Variants in GNAZ observed in about 807,000 individuals in gnomAD.
The protein encoded by GNAZ is G protein subunit alpha z.
In GNAZ, 3 loss-of-function variants were observed where a neutral mutation model predicts 25.4. The observed-to-expected ratio is 0.12, with a 90% CI of 0.05 to 0.30. The LOEUF (loss-of-function observed/expected upper bound fraction) is 0.30, where lower values mean the gene tolerates loss of function less well. GNAZ is among the 10% of genes least tolerant of loss of function. GNAZ has a pLI of 1.00. For synonymous variants in GNAZ, 211 were observed against 205.7 expected, an observed-to-expected ratio of 1.03 and a Z score of -0.22; for missense variants, 241 against 501.8, an observed-to-expected ratio of 0.48 and a Z score of 4.97.
chr22:23,095,114 T>A (rs1341034935), intron 1 of GNAZ, 133 bp from the exon 2 acceptor site: 1 of 156,804 alleles, frequency 6.4e-6, no homozygotes, highest in Non-Finnish European at 1.4e-5. Flanking sequence ...GGAGAGGGGG[T>A]TGGATGGATT....
At chr22:23,098,628 G>A (rs191917892) in intron 2 of GNAZ, among the ~76,000 whole-genome samples, 1 of 152,372 alleles carries the variant, frequency 6.6e-6, no homozygotes, top group African/African-American at 2.4e-5. Context: ...GGAAGTGGTT[G>A]TTCACCAGAA....
chr22:23,084,040 G>A (rs1450813869), intron 1 of GNAZ, among the ~76,000 whole-genome samples: 1 of 152,200 alleles, frequency 6.6e-6, no homozygotes, highest in African/African-American at 2.4e-5. Context: ...TTAACAAGGA[G>A]GGAGGGGTGA....
chr22:23,080,116 C>A (rs543419900), intron 1 of GNAZ, among the ~76,000 whole-genome samples: 1 of 151,432 alleles, frequency 6.6e-6, no homozygotes, highest in South Asian at 2.1e-4. Context: ...GAAGGCCCCA[C>A]TTCTTCTCTG....
intron 2 of GNAZ, among the ~76,000 whole-genome samples, chr22:23,115,511 T>C (rs1278289077): frequency 6.6e-6 from 1 of 151,962 alleles, no homozygotes; most frequent in Non-Finnish European, 1.5e-5. Flanking sequence ...TCTGGCCTCC[T>C]GGAGGGGGTC....
intron 2 of GNAZ, among the ~76,000 whole-genome samples, chr22:23,116,461 C>T (rs543154547): frequency 2.6e-5 from 4 of 152,320 alleles, no homozygotes; most frequent in South Asian, 2.1e-4. Flanking sequence ...CCCTCCCACC[C>T]GGCCCAGTCC....
chr22:23,116,026 C>T (rs983583774), intron 2 of GNAZ, among the ~76,000 whole-genome samples: 1 of 152,248 alleles, frequency 6.6e-6, no homozygotes. Flanking sequence ...GCCCTGAGGC[C>T]GCTGGGGTCC....
chr22:23,094,187 G>T (rs554836443), intron 1 of GNAZ, among the ~76,000 whole-genome samples: 2 of 152,236 alleles, frequency 1.3e-5, no homozygotes, highest in East Asian at 3.9e-4. Context: ...GAGGCTGCGT[G>T]GGTCTCCGGA....
At chr22:23,096,602 G>A (rs891710722) in intron 2 of GNAZ, among the ~76,000 whole-genome samples, 184 bp downstream of exon 2, 7 of 152,214 alleles carry the variant, frequency 4.6e-5, no homozygotes, top group African/African-American at 1.4e-4. Flanking sequence ...GGTGTGGAGT[G>A]CAGGTGTCAT....
At chr22:23,109,736 G>T (rs889748220) in intron 2 of GNAZ, among the ~76,000 whole-genome samples, 1 of 152,206 alleles carries the variant, frequency 6.6e-6, no homozygotes, top group African/African-American at 2.4e-5. Flanking sequence ...AGTGTTAAAG[G>T]CCAGGCTAGA....
intron 1 of GNAZ, among the ~76,000 whole-genome samples, chr22:23,094,792 G>A (rs927896283): frequency 1.3e-5 from 2 of 152,220 alleles, no homozygotes; most frequent in East Asian, 1.9e-4. Flanking sequence ...CAGCTCCTGC[G>A]GGGGTAATGA....
chr22:23,105,093 T>C (rs1371235954), intron 2 of GNAZ, among the ~76,000 whole-genome samples: 1 of 152,214 alleles, frequency 6.6e-6, no homozygotes, highest in East Asian at 1.9e-4. Flanking sequence ...ATTTCATTAA[T>C]AATGAAACCA....
intron 2 of GNAZ, among the ~76,000 whole-genome samples, chr22:23,112,925 T>C (rs2069695213): frequency 6.6e-6 from 1 of 152,168 alleles, no homozygotes; most frequent in Non-Finnish European, 1.5e-5. Flanking sequence ...TGCTGTGCCA[T>C]GGAATACCAG....
chr22:23,113,446 A>G (rs1001137318), intron 2 of GNAZ, among the ~76,000 whole-genome samples: 1 of 152,252 alleles, frequency 6.6e-6, no homozygotes, highest in South Asian at 2.1e-4. Context: ...CTGAGGGTAG[A>G]TGTAGGCCAA....
At chr22:23,099,789 T>G (rs910657433) in intron 2 of GNAZ, among the ~76,000 whole-genome samples, 11 of 152,174 alleles carry the variant, frequency 7.2e-5, no homozygotes, top group African/African-American at 2.7e-4. Flanking sequence ...GTGGAGAAGC[T>G]GGCACCTACC....
At chr22:23,099,929 A>G (rs980500638) in intron 2 of GNAZ, among the ~76,000 whole-genome samples, 1 of 152,224 alleles carries the variant, frequency 6.6e-6, no homozygotes, top group African/African-American at 2.4e-5. Context: ...CGGATCAGCT[A>G]ATGGACTCTG....
chr22:23,073,139 G>A (rs2068420484), intron 1 of GNAZ, among the ~76,000 whole-genome samples: 1 of 152,242 alleles, frequency 6.6e-6, no homozygotes, highest in African/African-American at 2.4e-5. Context: ...ACGGTGTGTG[G>A]TGGCAAAGGC....
At chr22:23,081,916 G>A (rs2068689978) in intron 1 of GNAZ, among the ~76,000 whole-genome samples, 1 of 151,314 alleles carries the variant, frequency 6.6e-6, no homozygotes, top group Non-Finnish European at 1.5e-5. Flanking sequence ...ACGAGGTCAG[G>A]AGATCGAGAC....
At position 23,071,679 on chromosome 22, in the gene GNAZ, C is replaced by T. The variant is rs1484731175; in HGVS notation, c.-450+1109C>T. Among the ~76,000 whole-genome samples the T allele has an allele frequency of 6.6e-6, 1 of 152,230 alleles. No individual in the cohort carries two copies. Among genetic ancestry groups the T allele is most frequent in the African/African-American group, 2.4e-5 (1 of 41,460 alleles). Reference sequence around the variant, plus strand: ...CACCGCATAGGGGAAAACGTCTCTACTCGACCAACCCCGCTTGAGTGCAGG... The same window carrying T: ...CACCGCATAGGGGAAAACGTCTCTATTCGACCAACCCCGCTTGAGTGCAGG... On this transcript the variant is annotated intron_variant, in intron 1 of 2. Transcript: ENST00000615612. The surrounding 1 kb of genome is among the most constrained non-coding windows in gnomAD (Gnocchi z 4.1).
chr22:23,081,999 C>G (rs1341544243), intron 1 of GNAZ, among the ~76,000 whole-genome samples: 1 of 150,768 alleles, frequency 6.6e-6, no homozygotes, highest in East Asian at 2.0e-4. Flanking sequence ...GTGGCGGGCA[C>G]CTGTAGTCCT....
Sources: gnomAD v4.1 joint callset for allele counts (sites outside exome capture counted in the v4.1 genomes callset) on GRCh38, gnomAD v4.1.1 for gene constraint, Gnocchi (gnomAD v3.1) non-coding constraint, MANE v1.5 for transcripts, NCBI Gene and HGNC (gene_info 2026-07-23, HGNC 2026-07-21) for gene names.